CDH13: variants seen among roughly 807,000 people sequenced by gnomAD.
CDH13 encodes cadherin-13.
Under a neutral mutation model 63.8 loss-of-function variants are expected in CDH13, and 24 were observed. That is an observed-to-expected ratio of 0.38 (90% CI 0.27 to 0.53). CDH13 has a LOEUF of 0.53. Among genes scored for constraint, CDH13 ranks in the 20% least tolerant of loss-of-function variants. CDH13 has a pLI of 0.85. For synonymous variants in CDH13, 503 were observed against 355.3 expected, an observed-to-expected ratio of 1.42 and a Z score of -4.67; for missense variants, 1,049 against 903.1, an observed-to-expected ratio of 1.16 and a Z score of -2.07.
chr16:83,065,202 G>T (rs2031904174), intron 3 of CDH13, among the ~76,000 whole-genome samples: 1 of 152,206 alleles, frequency 6.6e-6, no homozygotes, highest in Admixed American at 6.5e-5. Flanking sequence ...AGAGATTCTA[G>T]AAGTTATCCC....
At chr16:83,512,667 CAATAATAAT>C (rs147859131) in intron 7 of CDH13, among the ~76,000 whole-genome samples, 151 of 148,848 alleles carry the variant, frequency 1.0e-3, no homozygotes, top group African/African-American at 3.5e-3. Context: ...GACTCCGTCT[CAATAATAAT>C]AATAATAATA....
At chr16:82,966,674 G>C (rs968962476) in intron 2 of CDH13, among the ~76,000 whole-genome samples, 1 of 152,032 alleles carries the variant, frequency 6.6e-6, no homozygotes, top group Non-Finnish European at 1.5e-5. Context: ...AAAGAATGTA[G>C]GTAATTCCTT....
At chr16:83,446,074 G>A (rs1296426664) in intron 6 of CDH13, among the ~76,000 whole-genome samples, 1 of 152,058 alleles carries the variant, frequency 6.6e-6, no homozygotes, top group African/African-American at 2.4e-5. Flanking sequence ...TGAGGTGGGG[G>A]GGCAGATTAC....
At chr16:83,381,384 C>T (rs2091564278) in intron 6 of CDH13, among the ~76,000 whole-genome samples, 1 of 151,980 alleles carries the variant, frequency 6.6e-6, no homozygotes, top group Non-Finnish European at 1.5e-5. Context: ...TTAAGAGTTC[C>T]AAACCTCTCT....
At chr16:82,937,988 T>C (rs1421711269) in intron 2 of CDH13, among the ~76,000 whole-genome samples, 1 of 152,240 alleles carries the variant, frequency 6.6e-6, no homozygotes, top group African/African-American at 2.4e-5. Flanking sequence ...CTTAACCCTG[T>C]AACAATGGAA....
intron 5 of CDH13, among the ~76,000 whole-genome samples, chr16:83,289,826 G>T (rs187239395): frequency 6.6e-6 from 1 of 152,278 alleles, no homozygotes; most frequent in East Asian, 1.9e-4. Flanking sequence ...GCCTGTAAAT[G>T]ATACGTTCTA....
chr16:83,109,624 A>G (rs1421464595), intron 3 of CDH13, among the ~76,000 whole-genome samples: 2 of 152,196 alleles, frequency 1.3e-5, no homozygotes, highest in African/African-American at 2.4e-5. Flanking sequence ...TACCTGGATC[A>G]CGTGTGCTCA....
chr16:82,919,316 G>C (rs936405036), intron 2 of CDH13, among the ~76,000 whole-genome samples: 2 of 152,120 alleles, frequency 1.3e-5, no homozygotes, highest in African/African-American at 4.8e-5. Context: ...CTCGTACTAA[G>C]CCTAGTATCC....
intron 4 of CDH13, among the ~76,000 whole-genome samples, chr16:83,179,913 G>A (rs968709711): frequency 1.3e-5 from 2 of 150,444 alleles, no homozygotes; most frequent in African/African-American, 4.9e-5. Flanking sequence ...TAATTTATAA[G>A]TGCTTATGAA....
chr16:83,451,260 C>T (rs1247020050), intron 6 of CDH13, among the ~76,000 whole-genome samples: 1 of 152,192 alleles, frequency 6.6e-6, no homozygotes, highest in Non-Finnish European at 1.5e-5. Context: ...ACAATCATGG[C>T]AGAAGGCGAA....
In CDH13 at chr16:83,389,543, T is replaced by C. The variant is rs371265034; in HGVS notation, c.781+44537T>C. ...ACAAGCACATTCTTCTCCTCCTCAA[T>C]CCCTTTATTTTATTCTCCACATAAT... On this transcript the variant is annotated intron_variant, in intron 6 of 13. Transcript: ENST00000567109. 2.2e-4 allele frequency among the ~76,000 whole-genome samples: 33 copies of C among 152,290 alleles called. No individual in the cohort carries two copies. In the East Asian group the frequency reaches 5.6e-3, roughly 26 times the overall value.
chr16:83,647,784 C>T (rs897661060), intron 8 of CDH13, among the ~76,000 whole-genome samples: 2 of 152,136 alleles, frequency 1.3e-5, no homozygotes, highest in Non-Finnish European at 2.9e-5. Flanking sequence ...AGCAGTGGTG[C>T]TGGTAGGACC....
At chr16:82,635,285 G>C (rs148584545) in intron 1 of CDH13, among the ~76,000 whole-genome samples, 1 of 152,260 alleles carries the variant, frequency 6.6e-6, no homozygotes, top group African/African-American at 2.4e-5. Context: ...GATCTGGGCG[G>C]CTTCCCTGAC....
rs146424247 is a variant in CDH13 at position 82,664,023 on chromosome 16, G to A, written c.45+36886G>A. Among the ~76,000 whole-genome samples the A allele has an allele frequency of 2.7e-3, 415 of 152,300 alleles. 2 individuals are homozygous for A. Among genetic ancestry groups the A allele is most frequent in the African/African-American group, 9.7e-3 (401 of 41,554 alleles). On this transcript the variant is annotated intron_variant, in intron 1 of 13. Coordinates refer to ENST00000567109, the MANE Select transcript of CDH13 (RefSeq NM_001257.5). ...TTCTGCCTTTGTAGCTGTGGACCAC[G>A]AGGCAGTGACTTTGAAATTCAGTCT...
At chr16:82,656,764 C>T (rs894020856) in intron 1 of CDH13, among the ~76,000 whole-genome samples, 4 of 152,184 alleles carry the variant, frequency 2.6e-5, no homozygotes, top group African/African-American at 4.8e-5. Flanking sequence ...TAACCCCTGG[C>T]AATCCACCGA....
At chr16:83,512,718 TG>T in intron 7 of CDH13, among the ~76,000 whole-genome samples, 1 of 149,534 alleles carries the variant, frequency 6.7e-6, no homozygotes, top group Non-Finnish European at 1.5e-5. Context: ...AGAAAGTACA[TG>T]GGGAAGGAAT....
In CDH13 at chr16:83,651,012, G is replaced by C. The variant is rs549404617; in HGVS notation, c.1102-19778G>C. Among the ~76,000 whole-genome samples the C allele has an allele frequency of 3.3e-5, 5 of 151,958 alleles. No homozygotes were observed. In the South Asian group the frequency reaches 1.0e-3, roughly 32 times the overall value. ...GCTACTCTGGGGGCTGAGGCAGAAG[G>C]CTCCATTGAGCCCGGGAGGTCAAGG... On this transcript the variant is annotated intron_variant, in intron 8 of 13. Transcript: ENST00000567109.
chr16:82,849,917 T>A (rs1158105807), intron 1 of CDH13, among the ~76,000 whole-genome samples: 2 of 152,240 alleles, frequency 1.3e-5, no homozygotes, highest in South Asian at 2.1e-4. Context: ...TGAGAACTGC[T>A]GCTCAGAAAA....
chr16:82,838,229 C>G (rs1281261812), intron 1 of CDH13, among the ~76,000 whole-genome samples: 1 of 152,196 alleles, frequency 6.6e-6, no homozygotes. Context: ...AAGTATCATT[C>G]TAAAGTTATC....
Sources: allele counts gnomAD v4.1 joint callset (sites outside exome capture counted in the v4.1 genomes callset), GRCh38; gene constraint gnomAD v4.1.1; transcripts MANE v1.5; gene names NCBI Gene and HGNC (gene_info 2026-07-23, HGNC 2026-07-21).